Variants in SYBU observed in about 807,000 individuals in gnomAD.
SYBU encodes the protein GOLSYN A protein.
In SYBU, 21 loss-of-function variants were observed where a neutral mutation model predicts 35.9. That is an observed-to-expected ratio of 0.58 (90% CI 0.41 to 0.84). The LOEUF is 0.84. Ranked by LOEUF, SYBU falls within the 40% of genes least tolerant of loss-of-function variation. The pLI, the probability that SYBU is intolerant of heterozygous loss-of-function variation, is 0.00. For missense variants in SYBU, 768 were observed against 848.2 expected (o/e 0.91, Z 1.17); for synonymous variants, 319 against 324.3 (o/e 0.98, Z 0.18).
intron 1 of SYBU, among the ~76,000 whole-genome samples, chr8:109,650,508 G>C (rs775260934): frequency 2.6e-5 from 4 of 152,176 alleles, no homozygotes; most frequent in African/African-American, 4.8e-5. Flanking sequence ...GAATGGTTGG[G>C]CTGTTGGTGT....
At chr8:109,674,895 A>T (rs1817127796) in intron 1 of SYBU, among the ~76,000 whole-genome samples, 1 of 152,206 alleles carries the variant, frequency 6.6e-6, no homozygotes, top group African/African-American at 2.4e-5. Context: ...AATTGGAAGT[A>T]AAACACTCCT....
In SYBU at chr8:109,591,003, T is replaced by C. The variant is rs116497906; in HGVS notation, c.428-4841A>G. ...TAGTAAGAGTGTGAATTATGCTACA[T>C]GCATAAAAAAGAAAACTGTACTGCT... On this transcript the variant is annotated intron_variant, in intron 3 of 6. Coordinates refer to ENST00000276646, the MANE Select transcript of SYBU (RefSeq NM_001099754.2). Among the ~76,000 whole-genome samples the C allele has an allele frequency of 8.4e-3, 1,279 of 152,264 alleles. 17 individuals are homozygous for C. Among genetic ancestry groups the C allele is most frequent in the African/African-American group, 0.028 (1,162 of 41,548 alleles).
chr8:109,669,444 T>A (rs1474416176), intron 1 of SYBU, among the ~76,000 whole-genome samples: 1 of 151,226 alleles, frequency 6.6e-6, no homozygotes. Flanking sequence ...ATAGATTACA[T>A]GTATGAGGTA....
At chr8:109,576,070 A>AAC in intron 6 of SYBU, 57 bp from the exon 7 acceptor site, 1 of 1,299,098 alleles carries the variant, frequency 7.7e-7, no homozygotes. Context: ...AAAAAAAAAA[A>AAC]CTTTCAACTG....
At chr8:109,668,725 T>G (rs970815042) in intron 1 of SYBU, among the ~76,000 whole-genome samples, 1 of 152,174 alleles carries the variant, frequency 6.6e-6, no homozygotes, top group African/African-American at 2.4e-5. Flanking sequence ...TCAGAGCATC[T>G]GAGGGTGAAC....
rs1403559761 is a variant in SYBU, at chr8:109,586,105, A to G, written c.485T>C (p.Val162Ala). 2 of 1,612,026 alleles carry G rather than the reference A, an allele frequency of 1.2e-6. No individual in the cohort carries two copies. The highest frequency in any genetic ancestry group is 1.7e-5 in the Admixed American group (1 of 59,788). Residue 162 changes from valine to alanine, a missense_variant, in exon 4 of 7, where the codon GTC (valine) becomes GCC (alanine). By Grantham distance (64) the Val-to-Ala change is moderately conservative. Coordinates refer to ENST00000276646, the MANE Select transcript of SYBU (RefSeq NM_001099754.2). ...CTTGCTTCCCGCAGTCGACATATGG[A>G]CCTCAGGAGCGGAAATGCTGCCTGT... ...SSTGSISAPE[V>A]HMSTAGSKRS...
chr8:109,574,793 T>C lies in SYBU; in HGVS notation c.*113A>G. The C allele has an allele frequency of 8.1e-7, 1 of 1,228,278 alleles. No individual in the cohort carries two copies. Among genetic ancestry groups the C allele is most frequent in the Non-Finnish European group, 1.1e-6 (1 of 897,332 alleles). The allele number at this position is 1,228,278 out of a possible 1,614,324, so 76.1% of individuals were successfully genotyped here. ...TCAACTAAATATAGTGCAAATCAAA[T>C]ACCAAGGAGCAAAACGACAGAATAG... On this transcript the variant is annotated 3_prime_UTR_variant, in exon 7 of 7. Transcript: ENST00000276646.
chr8:109,640,042 G>C (rs1051954159), intron 2 of SYBU, among the ~76,000 whole-genome samples: 3 of 152,206 alleles, frequency 2.0e-5, no homozygotes, highest in South Asian at 2.1e-4. Flanking sequence ...AAGATGAAGA[G>C]AGATGAGGGA....
At chr8:109,641,291 T>C (rs1419973908) in intron 2 of SYBU, among the ~76,000 whole-genome samples, 1 of 152,246 alleles carries the variant, frequency 6.6e-6, no homozygotes, top group Non-Finnish European at 1.5e-5. Flanking sequence ...AAGGAAACTT[T>C]CTTAATCACG....
chr8:109,688,887 C>T (rs934897114), intron 1 of SYBU, among the ~76,000 whole-genome samples: 2 of 151,968 alleles, frequency 1.3e-5, no homozygotes, highest in Non-Finnish European at 2.9e-5. Flanking sequence ...CAGAAATTGA[C>T]TAAAATGAAA....
At position 109,575,683 on chromosome 8, in the gene SYBU, G is replaced by C. The variant is rs771231470; in HGVS notation, c.1215C>G (p.Pro405=). 3 of 1,614,132 alleles carry C rather than the reference G, an allele frequency of 1.9e-6. No homozygotes were observed. Among genetic ancestry groups the C allele is most frequent in the South Asian group, 1.1e-5 (1 of 91,070 alleles). The change falls in exon 7 of 7, where the codon CCC becomes CCG. Residue 405 remains proline (P), a synonymous_variant. Transcript: ENST00000276646. The part of the protein sequence containing the change: ...DSPEKSLTLN[P]PLDTMADGLS... ...ACCCATCTGCCATTGTGTCAAGAGG[G>C]GGGTTGAGGGTTAAGCTCTTCTCTG...
At chr8:109,633,731 T>A (rs910976466) in intron 2 of SYBU, among the ~76,000 whole-genome samples, 2 of 152,104 alleles carry the variant, frequency 1.3e-5, no homozygotes, top group Admixed American at 6.5e-5. Context: ...AATTATCTTT[T>A]TTATTATTAT....
At chr8:109,649,783 G>T (rs1816042465), upstream of SYBU, among the ~76,000 whole-genome samples, 2 of 152,320 alleles carry the variant, frequency 1.3e-5, no homozygotes, top group East Asian at 3.9e-4. Context: ...TGTTGGACAA[G>T]TAGGTGTACA....
At chr8:109,609,602 A>G (rs1810948630) in intron 3 of SYBU, among the ~76,000 whole-genome samples, 1 of 152,168 alleles carries the variant, frequency 6.6e-6, no homozygotes, top group Admixed American at 6.5e-5. Flanking sequence ...CTAGTTGTAC[A>G]CTAATGTCCT....
At chr8:109,585,023 T>C (rs1035811092) in intron 4 of SYBU, among the ~76,000 whole-genome samples, 2 of 152,168 alleles carry the variant, frequency 1.3e-5, no homozygotes, top group Non-Finnish European at 2.9e-5. Context: ...AGCTAAAATA[T>C]ACCACAAACC....
chr8:109,677,932 C>T (rs1465051183), intron 1 of SYBU, among the ~76,000 whole-genome samples: 4 of 151,794 alleles, frequency 2.6e-5, no homozygotes, highest in African/African-American at 4.8e-5. Context: ...GTCAGGAATT[C>T]GAGACCAGCC....
At chr8:109,657,476 C>G (rs1816397920) in intron 1 of SYBU, among the ~76,000 whole-genome samples, 2 of 152,202 alleles carry the variant, frequency 1.3e-5, no homozygotes, top group Admixed American at 1.3e-4. Context: ...GACAGCAGGT[C>G]TGTAGTTATA....
chr8:109,663,300 G>GATA (rs1228369411), intron 1 of SYBU, among the ~76,000 whole-genome samples: 6 of 150,108 alleles, frequency 4.0e-5, no homozygotes, highest in Non-Finnish European at 8.9e-5. Flanking sequence ...TAGATAGATA[G>GATA]GTAGATAGAT....
intron 1 of SYBU, among the ~76,000 whole-genome samples, chr8:109,675,787 T>C (rs1312815423): frequency 1.3e-5 from 2 of 152,214 alleles, no homozygotes; most frequent in Non-Finnish European, 2.9e-5. Context: ...TAACTCATTT[T>C]ATGAGGTCAG....
Sources: gnomAD v4.1 joint callset for allele counts (sites outside exome capture counted in the v4.1 genomes callset) on GRCh38, gnomAD v4.1.1 for gene constraint, MANE v1.5 for transcripts, NCBI Gene and HGNC (gene_info 2026-07-23, HGNC 2026-07-21) for gene names.